The following PPARGC1A variants were observed in gnomAD, a reference collection of about 807,000 sequenced individuals.
PPARGC1A encodes the protein PPARG coactivator 1 alpha.
Under a neutral mutation model 88.7 loss-of-function variants are expected in PPARGC1A, and 25 were observed. That is an observed-to-expected ratio of 0.28 (90% CI 0.21 to 0.39). The LOEUF is 0.39. Among genes scored for constraint, PPARGC1A ranks in the 10% least tolerant of loss-of-function variants. PPARGC1A has a pLI of 1.00. For missense variants in PPARGC1A, 880 were observed against 968.7 expected (o/e 0.91, Z 1.22); for synonymous variants, 363 against 355.6 (o/e 1.02, Z -0.24).
the PPARGC1A span, among the ~76,000 whole-genome samples, chr4:24,424,032 G>A: frequency 1.3e-5 from 2 of 152,142 alleles, no homozygotes; most frequent in Non-Finnish European, 2.9e-5. Context: ...ATGTATAAAA[G>A]TAAAGATCTT....
chr4:24,385,125 G>T, the PPARGC1A span, among the ~76,000 whole-genome samples: 1 of 152,114 alleles, frequency 6.6e-6, no homozygotes, highest in Non-Finnish European at 1.5e-5. Context: ...TGAACAACCT[G>T]CTCCCAAATG....
chr4:24,163,004 AT>A, the PPARGC1A span, among the ~76,000 whole-genome samples: 182 of 151,934 alleles, frequency 1.2e-3, no homozygotes, highest in Non-Finnish European at 1.5e-3. Context: ...AACACCAAGT[AT>A]TTTTTGTCCA....
chr4:24,148,322 GT>G, the PPARGC1A span, among the ~76,000 whole-genome samples: 1 of 152,122 alleles, frequency 6.6e-6, no homozygotes, highest in African/African-American at 2.4e-5. Context: ...CACAAATTCT[GT>G]TTTCCACCCT....
chr4:24,000,549 T>A, the PPARGC1A span, among the ~76,000 whole-genome samples: 1 of 151,974 alleles, frequency 6.6e-6, no homozygotes, highest in African/African-American at 2.4e-5. Context: ...CAGAAAAGAA[T>A]GCACTGATAC....
chr4:24,268,346 T>G, the PPARGC1A span, among the ~76,000 whole-genome samples: 1 of 152,224 alleles, frequency 6.6e-6, no homozygotes. Context: ...GTCAGCTAAC[T>G]CAGTTATAAC....
the PPARGC1A span, among the ~76,000 whole-genome samples, chr4:24,420,082 A>T: frequency 1.7e-4 from 26 of 152,240 alleles, no homozygotes; most frequent in Admixed American, 3.3e-4. Flanking sequence ...GCCATCAGAC[A>T]CTTATAACTG....
At chr4:24,095,538 T>G in the PPARGC1A span, among the ~76,000 whole-genome samples, 1 of 151,872 alleles carries the variant, frequency 6.6e-6, no homozygotes, top group Non-Finnish European at 1.5e-5. Context: ...CAGAGACAGA[T>G]GTAGACAGGG....
the PPARGC1A span, among the ~76,000 whole-genome samples, chr4:24,312,149 G>A: frequency 1.3e-5 from 2 of 152,238 alleles, no homozygotes; most frequent in Admixed American, 1.3e-4. Context: ...ACTCTCAAAA[G>A]AACTCTTGCC....
At chr4:24,199,183 A>T in the PPARGC1A span, among the ~76,000 whole-genome samples, 6 of 152,184 alleles carry the variant, frequency 3.9e-5, no homozygotes, top group Admixed American at 3.9e-4. Flanking sequence ...TCTCTGCTAC[A>T]TCCCCAACAC....
chr4:24,145,024 T>C, the PPARGC1A span, among the ~76,000 whole-genome samples: 1 of 151,994 alleles, frequency 6.6e-6, no homozygotes, highest in East Asian at 1.9e-4. Context: ...CATGACTCCA[T>C]ACCCTTCTGC....
the PPARGC1A span, among the ~76,000 whole-genome samples, chr4:24,414,385 G>T: frequency 1.3e-5 from 2 of 152,140 alleles, no homozygotes; most frequent in African/African-American, 2.4e-5. Context: ...AGTAGCAGTA[G>T]AAAATTATGT....
At chr4:24,262,971 G>A in the PPARGC1A span, among the ~76,000 whole-genome samples, 2 of 152,134 alleles carry the variant, frequency 1.3e-5, no homozygotes, top group Non-Finnish European at 2.9e-5. Flanking sequence ...CTGCTACACT[G>A]GAATAGCTGA....
chr4:24,242,008 G>A, the PPARGC1A span, among the ~76,000 whole-genome samples: 1 of 152,106 alleles, frequency 6.6e-6, no homozygotes, highest in Non-Finnish European at 1.5e-5. Context: ...AATAATCAGA[G>A]TGCTGTGCCC....
chr4:24,198,129 A>T, the PPARGC1A span, among the ~76,000 whole-genome samples: 13 of 152,228 alleles, frequency 8.5e-5, no homozygotes, highest in Non-Finnish European at 1.6e-4. Context: ...AGGGCTATCT[A>T]AGCATGTAAG....
At chr4:24,434,720 A>G in the PPARGC1A span, among the ~76,000 whole-genome samples, 1 of 152,164 alleles carries the variant, frequency 6.6e-6, no homozygotes, top group Non-Finnish European at 1.5e-5. Flanking sequence ...ATAAACGCAG[A>G]TTGCCCCTCG....
chr4:24,262,380 G>A, the PPARGC1A span, among the ~76,000 whole-genome samples: 1 of 152,206 alleles, frequency 6.6e-6, no homozygotes, highest in Non-Finnish European at 1.5e-5. Context: ...CAGAATATCA[G>A]AAGCACTTCC....
intron 2 of PPARGC1A, among the ~76,000 whole-genome samples, chr4:23,848,934 G>C (rs183501982): frequency 3.4e-4 from 52 of 152,188 alleles, no homozygotes; most frequent in Admixed American, 1.2e-3. Flanking sequence ...ACGAGGTCAG[G>C]AGATCAAGAC....
At chr4:24,059,174 G>T in the PPARGC1A span, among the ~76,000 whole-genome samples, 1 of 152,168 alleles carries the variant, frequency 6.6e-6, no homozygotes, top group Non-Finnish European at 1.5e-5. Flanking sequence ...CAAAAACTCT[G>T]AATATCATTC....
the PPARGC1A span, among the ~76,000 whole-genome samples, chr4:24,043,820 A>G: frequency 2.6e-5 from 4 of 152,190 alleles, no homozygotes. Flanking sequence ...GGGTTACTAT[A>G]TAGCAAGAAA....
Sources: gnomAD v4.1 joint callset for allele counts (sites outside exome capture counted in the v4.1 genomes callset) on GRCh38, gnomAD v4.1.1 for gene constraint, MANE v1.5 for transcripts, NCBI Gene and HGNC (gene_info 2026-07-23, HGNC 2026-07-21) for gene names.